WWOX: variants seen among roughly 807,000 people sequenced by gnomAD.
The protein encoded by WWOX is WW domain-containing oxidoreductase.
WWOX carries 69 observed loss-of-function variants against 46.2 expected under a neutral mutation model. The ratio of observed to expected loss-of-function variants is 1.49; its 90% confidence interval spans 1.23 to 1.82. The LOEUF (loss-of-function observed/expected upper bound fraction) is 1.82, where lower values mean the gene tolerates loss of function less well. WWOX is among the 40% of genes most tolerant of loss of function. The pLI is 0.00. For synonymous variants in WWOX, 359 were observed against 202.6 expected (o/e 1.77, Z -6.56); for missense variants, 919 against 542.6 (o/e 1.69, Z -6.89).
At chr16:79,149,112 T>G (rs2050232383) in intron 8 of WWOX, among the ~76,000 whole-genome samples, 1 of 152,186 alleles carries the variant, frequency 6.6e-6, no homozygotes, top group Non-Finnish European at 1.5e-5. Context: ...GCTCCTGATC[T>G]TAGGGAGGGG....
chr16:78,251,503 C>G (rs1208584269), intron 5 of WWOX, among the ~76,000 whole-genome samples: 1 of 152,196 alleles, frequency 6.6e-6, no homozygotes, highest in African/African-American at 2.4e-5. Flanking sequence ...TCCTCTCTTT[C>G]CCATCCAACT....
intron 5 of WWOX, among the ~76,000 whole-genome samples, chr16:78,280,307 T>A (rs560476052): frequency 6.6e-6 from 1 of 152,242 alleles, no homozygotes; most frequent in South Asian, 2.1e-4. Context: ...TAATGATAGA[T>A]ATTATATATA....
At chr16:78,891,175 T>G (rs557916529) in intron 8 of WWOX, 8 of 152,292 alleles carry the variant, frequency 5.3e-5, no homozygotes, top group African/African-American at 1.4e-4. Flanking sequence ...TGCCCCTTCT[T>G]TCATATACCC....
intron 8 of WWOX, chr16:78,553,078 A>T (rs2044211582): frequency 6.6e-6 from 1 of 152,228 alleles, no homozygotes; most frequent in Admixed American, 6.5e-5. Flanking sequence ...CTGAACAATG[A>T]GAACACATGG....
intron 1 of WWOX, among the ~76,000 whole-genome samples, chr16:78,103,286 C>T (rs968500647): frequency 1.3e-5 from 2 of 148,930 alleles, no homozygotes; most frequent in Admixed American, 1.3e-4. Context: ...ACTTTAAATT[C>T]CGGGATACAT....
intron 8 of WWOX, among the ~76,000 whole-genome samples, chr16:78,864,089 T>C (rs2043950587): frequency 6.6e-6 from 1 of 152,164 alleles, no homozygotes; most frequent in Non-Finnish European, 1.5e-5. Flanking sequence ...GAACACCTAT[T>C]TCCAGTTCTT....
intron 8 of WWOX, among the ~76,000 whole-genome samples, chr16:78,756,433 C>T (rs1001545588): frequency 7.9e-5 from 12 of 152,064 alleles, no homozygotes; most frequent in Non-Finnish European, 1.6e-4. Flanking sequence ...TCTGAAGCTC[C>T]CTCAGTCTGG....
At chr16:78,691,437 C>A (rs892901382) in intron 8 of WWOX, 1 of 614,066 alleles carries the variant, frequency 1.6e-6, no homozygotes, top group East Asian at 2.8e-5. Flanking sequence ...TGGTTCACAC[C>A]TGTAATCTCC....
At chr16:78,835,638 A>T (rs8044302) in intron 8 of WWOX, among the ~76,000 whole-genome samples, 5,174 of 152,296 alleles carry the variant, frequency 0.034, 286 homozygotes, top group African/African-American at 0.12. Flanking sequence ...TAGAGTAGGA[A>T]ACAGAGATGC....
intron 8 of WWOX, among the ~76,000 whole-genome samples, chr16:79,127,277 A>G (rs1445107459): frequency 6.6e-6 from 1 of 152,096 alleles, no homozygotes; most frequent in Non-Finnish European, 1.5e-5. Context: ...TCCTCTTCTG[A>G]ACCGATGTTA....
intron 8 of WWOX, among the ~76,000 whole-genome samples, chr16:78,958,513 G>A (rs1194058473): frequency 1.3e-5 from 2 of 152,222 alleles, no homozygotes; most frequent in African/African-American, 2.4e-5. Flanking sequence ...ACAATCCATA[G>A]CAGGTAGTTT....
chr16:78,114,512 G>A (rs2032669303), intron 3 of WWOX, among the ~76,000 whole-genome samples: 1 of 152,160 alleles, frequency 6.6e-6, no homozygotes, highest in African/African-American at 2.4e-5. Flanking sequence ...TAGAATTTTG[G>A]TAGTTGGCAG....
intron 8 of WWOX, among the ~76,000 whole-genome samples, chr16:78,561,053 A>G (rs2044423355): frequency 6.6e-6 from 1 of 152,178 alleles, no homozygotes. Flanking sequence ...TGCTCTGTGG[A>G]AGAATCCACT....
chr16:79,167,525 G>A (rs1024940250), intron 8 of WWOX, among the ~76,000 whole-genome samples: 1 of 152,064 alleles, frequency 6.6e-6, no homozygotes, highest in African/African-American at 2.4e-5. Context: ...TGCACTAGAT[G>A]TTTTGCTTCC....
chr16:78,642,250 A>C (rs1185503223), intron 8 of WWOX, among the ~76,000 whole-genome samples: 1 of 152,178 alleles, frequency 6.6e-6, no homozygotes, highest in East Asian at 1.9e-4. Context: ...GACTTACTGC[A>C]AGGTTAAGGA....
At chr16:79,074,842 C>G (rs2048623996) in intron 8 of WWOX, among the ~76,000 whole-genome samples, 1 of 151,360 alleles carries the variant, frequency 6.6e-6, no homozygotes, top group African/African-American at 2.4e-5. Flanking sequence ...AGATAAATCT[C>G]TTGCAAGGCT....
intron 8 of WWOX, chr16:78,550,972 A>G (rs565158844): frequency 3.0e-4 from 46 of 152,344 alleles, no homozygotes; most frequent in African/African-American, 1.0e-3. Context: ...TTGAAGAAAG[A>G]CATTGCATGT....
At chr16:78,310,753 C>T (rs1567491842) in intron 5 of WWOX, among the ~76,000 whole-genome samples, 1 of 152,196 alleles carries the variant, frequency 6.6e-6, no homozygotes, top group South Asian at 2.1e-4. Context: ...TTTTACTCAC[C>T]TTTGCTTGCT....
At chr16:78,467,343 A>G (rs945516389) in intron 8 of WWOX, among the ~76,000 whole-genome samples, 3 of 152,186 alleles carry the variant, frequency 2.0e-5, no homozygotes, top group South Asian at 2.1e-4. Context: ...GCACATACAC[A>G]TATTTTAAGG....
Sources: allele counts gnomAD v4.1 joint callset (sites outside exome capture counted in the v4.1 genomes callset), GRCh38; gene constraint gnomAD v4.1.1; transcripts MANE v1.5; gene names NCBI Gene and HGNC (gene_info 2026-07-23, HGNC 2026-07-21).